Variants in C1QTNF7 observed in about 807,000 individuals in gnomAD.
C1QTNF7 encodes complement C1q tumor necrosis factor-related protein 7.
A neutral mutation model predicts 19.6 loss-of-function variants in C1QTNF7; 15 were observed. That is an observed-to-expected ratio of 0.76 (90% CI 0.51 to 1.18). The LOEUF is 1.18. C1QTNF7 is among the 50% of genes most tolerant of loss of function. C1QTNF7 has a pLI of 0.00. For synonymous variants in C1QTNF7, 142 were observed against 137.5 expected, an observed-to-expected ratio of 1.03 and a Z score of -0.23; for missense variants, 324 against 359.7, an observed-to-expected ratio of 0.90 and a Z score of 0.80.
At chr4:15,432,524 T>A (rs1170405586) in intron 1 of C1QTNF7, among the ~76,000 whole-genome samples, 4 of 152,142 alleles carry the variant, frequency 2.6e-5, no homozygotes, top group East Asian at 1.9e-4. Context: ...GCCTCTCGAG[T>A]AGCTGGAATT....
At chr4:15,416,047 C>T (rs1178485362) in intron 1 of C1QTNF7, among the ~76,000 whole-genome samples, 1 of 152,064 alleles carries the variant, frequency 6.6e-6, no homozygotes, top group East Asian at 1.9e-4. Context: ...AAATTACATC[C>T]TAAGGGTGAA....
chr4:15,375,201 C>T lies in C1QTNF7; in HGVS notation c.13+34994C>T, dbSNP rs539825179. Among the ~76,000 whole-genome samples the T allele has an allele frequency of 8.5e-5, 13 of 152,162 alleles. No individual in the cohort carries two copies. In the East Asian group the frequency reaches 1.9e-3, roughly 23 times the overall value. ...AAGGTGCTTTCTTCATTTTGATACACTGTAGGATTTTAGTAGAGGAAAAAG... is the reference window on the plus strand; with the variant it reads ...AAGGTGCTTTCTTCATTTTGATACATTGTAGGATTTTAGTAGAGGAAAAAG... On this transcript the variant is annotated intron_variant, in intron 1 of 2. Coordinates refer to the C1QTNF7 transcript ENST00000295297.
intron 1 of C1QTNF7, among the ~76,000 whole-genome samples, chr4:15,383,077 C>T (rs1274757086): frequency 6.6e-6 from 1 of 152,180 alleles, no homozygotes; most frequent in Non-Finnish European, 1.5e-5. Context: ...GTCATGCCCT[C>T]TCCTCTCACT....
intron 1 of C1QTNF7, among the ~76,000 whole-genome samples, chr4:15,391,431 G>A (rs1451862104): frequency 2.0e-5 from 3 of 152,100 alleles, no homozygotes; most frequent in Non-Finnish European, 4.4e-5. Context: ...TACGTTTTGA[G>A]AGAAGGAGAA....
At chr4:15,350,492 C>A (rs1020833507) in intron 1 of C1QTNF7, among the ~76,000 whole-genome samples, 2 of 152,288 alleles carry the variant, frequency 1.3e-5, no homozygotes, top group East Asian at 1.9e-4. Flanking sequence ...TGCCTGACCT[C>A]TGAGATCTGC....
At chr4:15,339,861 T>C (rs761686601), upstream of C1QTNF7, 73 of 433,292 alleles carry the variant, frequency 1.7e-4, no homozygotes, top group Middle Eastern at 6.6e-4. Context: ...CTAGTGTATA[T>C]ATTAAGCTCT....
intron 1 of C1QTNF7, among the ~76,000 whole-genome samples, chr4:15,429,333 A>G (rs961919963): frequency 3.9e-5 from 6 of 152,164 alleles, no homozygotes; most frequent in African/African-American, 1.4e-4. Flanking sequence ...TCTCTCCAGG[A>G]CTTCTTCGTC....
chr4:15,423,257 T>A (rs187950236), upstream of C1QTNF7, among the ~76,000 whole-genome samples: 138 of 152,250 alleles, frequency 9.1e-4, no homozygotes, highest in African/African-American at 3.0e-3. Context: ...GATCCCTTCT[T>A]CTCTAACAGT....
intron 1 of C1QTNF7, among the ~76,000 whole-genome samples, chr4:15,400,280 A>T (rs1245006321): frequency 6.6e-6 from 1 of 152,244 alleles, no homozygotes; most frequent in Non-Finnish European, 1.5e-5. Flanking sequence ...TTGCAAAAAG[A>T]TCTAAAGGCA....
intron 1 of C1QTNF7, among the ~76,000 whole-genome samples, chr4:15,364,768 G>T (rs955685572): frequency 2.0e-5 from 3 of 152,222 alleles, no homozygotes; most frequent in Non-Finnish European, 4.4e-5. Context: ...TCATCCCATT[G>T]CATCAGTGGG....
intron 1 of C1QTNF7, chr4:15,374,811 C>CT (rs1717869655): frequency 9.4e-6 from 9 of 961,808 alleles, no homozygotes; most frequent in Non-Finnish European, 9.9e-6. Context: ...CGTCTTCAGG[C>CT]TTTTTTTCCT....
intron 1 of C1QTNF7, among the ~76,000 whole-genome samples, chr4:15,389,821 G>A (rs999278159): frequency 1.3e-5 from 2 of 152,170 alleles, no homozygotes; most frequent in Non-Finnish European, 2.9e-5. Flanking sequence ...AGGTGCATTG[G>A]TAACACTGGA....
intron 1 of C1QTNF7, among the ~76,000 whole-genome samples, chr4:15,400,061 A>G (rs1024025919): frequency 3.9e-5 from 6 of 152,242 alleles, no homozygotes; most frequent in Admixed American, 2.0e-4. Flanking sequence ...GGGAAGATAC[A>G]TCAATGTGAT....
At chr4:15,434,355 A>T (rs1181087468) in intron 1 of C1QTNF7, among the ~76,000 whole-genome samples, 1 of 152,170 alleles carries the variant, frequency 6.6e-6, no homozygotes, top group African/African-American at 2.4e-5. Context: ...TCTAATTCCA[A>T]GATGTTGCAA....
chr4:15,440,522 C>T (rs13114120), intron 2 of C1QTNF7, among the ~76,000 whole-genome samples: 18,974 of 151,804 alleles, frequency 0.12, 1,508 homozygotes, highest in East Asian at 0.23. Flanking sequence ...ATTCCCCTGC[C>T]TCAGCCTTCC....
intron 1 of C1QTNF7, among the ~76,000 whole-genome samples, chr4:15,353,912 A>G (rs1717026708): frequency 6.6e-6 from 1 of 152,226 alleles, no homozygotes; most frequent in Admixed American, 6.5e-5. Context: ...AATACATCAT[A>G]CAATGACTCT....
At chr4:15,381,929 A>G (rs1228043164) in intron 1 of C1QTNF7, 1 of 152,204 alleles carries the variant, frequency 6.6e-6, no homozygotes, top group Non-Finnish European at 1.5e-5. Context: ...TCATCACATT[A>G]TCTTAGCAAA....
chr4:15,435,353 T>C (rs1712485720), intron 1 of C1QTNF7, among the ~76,000 whole-genome samples: 1 of 152,124 alleles, frequency 6.6e-6, no homozygotes, highest in Non-Finnish European at 1.5e-5. Context: ...GTGGTAAAAA[T>C]AATGTTGATG....
intron 1 of C1QTNF7, among the ~76,000 whole-genome samples, chr4:15,389,506 G>A (rs557836447): frequency 5.3e-5 from 8 of 152,142 alleles, no homozygotes; most frequent in Admixed American, 3.3e-4. Context: ...TTCAACCTCC[G>A]TCTCCCAGGT....
Sources: allele counts gnomAD v4.1 joint callset (sites outside exome capture counted in the v4.1 genomes callset), GRCh38; gene constraint gnomAD v4.1.1; transcripts MANE v1.5; gene names NCBI Gene and HGNC (gene_info 2026-07-23, HGNC 2026-07-21).